The following HLCS variants were observed in gnomAD, a reference collection of about 807,000 sequenced individuals.
The protein encoded by HLCS is holocarboxylase synthetase.
In HLCS, 53 loss-of-function variants were observed where a neutral mutation model predicts 75.0. The ratio of observed to expected loss-of-function variants is 0.71; its 90% CI spans 0.57 to 0.89. HLCS has a LOEUF of 0.89. Ranked by LOEUF, HLCS falls within the 40% of genes least tolerant of loss-of-function variation. HLCS has a pLI of 0.00. For missense variants in HLCS, 966 were observed against 1,074.0 expected (o/e 0.90, Z 1.41); for synonymous variants, 431 against 428.6 (o/e 1.01, Z -0.07).
chr21:36,807,102 A>G (rs1384987198), intron 6 of HLCS, among the ~76,000 whole-genome samples: 1 of 152,222 alleles, frequency 6.6e-6, no homozygotes, highest in Non-Finnish European at 1.5e-5. Flanking sequence ...CCAGAAGTGC[A>G]AAAAAGGAGT....
intron 6 of HLCS, among the ~76,000 whole-genome samples, chr21:36,767,688 T>C (rs1361494801): frequency 6.6e-6 from 1 of 152,140 alleles, no homozygotes; most frequent in Non-Finnish European, 1.5e-5. Flanking sequence ...TGTTCCTACT[T>C]AGGGTGCACT....
chr21:36,775,414 C>T (rs1027226444), intron 6 of HLCS, among the ~76,000 whole-genome samples: 1 of 152,202 alleles, frequency 6.6e-6, no homozygotes, highest in Non-Finnish European at 1.5e-5. Context: ...TAGATGCCTG[C>T]GCATCCACTG....
intron 6 of HLCS, among the ~76,000 whole-genome samples, chr21:36,856,215 T>C (rs1032849427): frequency 6.6e-6 from 1 of 152,176 alleles, no homozygotes; most frequent in Non-Finnish European, 1.5e-5. Context: ...CTTTAAGTGG[T>C]TGAATTGTAT....
rs2062646851 is a variant in HLCS, at chr21:36,842,435, AT to A, written c.1892+54424del. Among the ~76,000 whole-genome samples, 2 of 152,210 alleles carry A rather than the reference AT, an allele frequency of 1.3e-5. No homozygotes were observed. The highest frequency in any genetic ancestry group is 6.5e-5 in the Admixed American group (1 of 15,282). On this transcript the variant is annotated intron_variant, in intron 6 of 10. Coordinates refer to ENST00000674895, the MANE Select transcript of HLCS (RefSeq NM_001352514.2). This position sits in a 1 kb window ranked among gnomAD's most constrained non-coding sequence, Gnocchi z 4.2. ...TTTTCTGGAGGCATATTATACTTCA[AT>A]AAAACTTCTAAGAAACTCTCTGGCC...
intron 10 of HLCS, 51 bp downstream of exon 10, chr21:36,756,487 ACTAC>A: frequency 1.1e-6 from 1 of 918,452 alleles, no homozygotes; most frequent in Admixed American, 1.7e-5. Flanking sequence ...AAGATACAGA[ACTAC>A]TAAGATACTA....
chr21:36,819,355 C>T (rs2061757556), intron 6 of HLCS, among the ~76,000 whole-genome samples: 1 of 152,170 alleles, frequency 6.6e-6, no homozygotes, highest in South Asian at 2.1e-4. Context: ...ATCCTGCCCA[C>T]TTTGTTTCCA....
intron 1 of HLCS, among the ~76,000 whole-genome samples, chr21:36,976,754 TAGA>T: frequency 6.6e-6 from 1 of 152,288 alleles, no homozygotes. Flanking sequence ...TGATAAAAAT[TAGA>T]AGGTGACATT....
chr21:36,776,395 C>T (rs533258414), intron 6 of HLCS, among the ~76,000 whole-genome samples: 1 of 144,490 alleles, frequency 6.9e-6, no homozygotes, highest in Non-Finnish European at 1.5e-5. Flanking sequence ...AATCAACAGC[C>T]TTGTTACAAC....
chr21:36,910,704 T>C (rs1351625391), intron 5 of HLCS, among the ~76,000 whole-genome samples: 1 of 152,168 alleles, frequency 6.6e-6, no homozygotes, highest in Non-Finnish European at 1.5e-5. Flanking sequence ...GAAATGCCTG[T>C]CTGGGTGTCT....
At chr21:36,923,268 A>G (rs1235702518) in intron 5 of HLCS, among the ~76,000 whole-genome samples, 1 of 152,208 alleles carries the variant, frequency 6.6e-6, no homozygotes, top group Non-Finnish European at 1.5e-5. Flanking sequence ...ACCCGCTCAC[A>G]CATGGCAGCT....
intron 1 of HLCS, among the ~76,000 whole-genome samples, chr21:36,980,123 G>A (rs542866077): frequency 6.8e-6 from 1 of 146,768 alleles, no homozygotes; most frequent in East Asian, 2.0e-4. Context: ...AGGAGTTCAA[G>A]GCTGCAGTGA....
At chr21:36,912,728 C>A (rs1304290469) in intron 5 of HLCS, among the ~76,000 whole-genome samples, 1 of 152,084 alleles carries the variant, frequency 6.6e-6, no homozygotes, top group African/African-American at 2.4e-5. Context: ...TTTACTCTCA[C>A]AAAGCTCCCT....
intron 6 of HLCS, among the ~76,000 whole-genome samples, chr21:36,894,559 G>A (rs1017257182): frequency 6.6e-5 from 10 of 152,168 alleles, no homozygotes; most frequent in African/African-American, 2.4e-4. Context: ...GTAGTGTTAG[G>A]AAGGAACCCT....
chr21:36,888,439 AAAAAAAATATATAT>A (rs1230477032), intron 6 of HLCS, among the ~76,000 whole-genome samples: 7 of 32,214 alleles, frequency 2.2e-4, no homozygotes, highest in African/African-American at 7.4e-4. Flanking sequence ...ATTTAAAAAA[AAAAAAAATATATAT>A]ATATATATAT....
chr21:36,911,793 G>C (rs910837041), intron 5 of HLCS, among the ~76,000 whole-genome samples: 1 of 149,012 alleles, frequency 6.7e-6, no homozygotes, highest in Non-Finnish European at 1.5e-5. Context: ...AGAGGGCCGG[G>C]CGCGGTGGCT....
At chr21:36,957,834 A>C (rs1430852051) in intron 2 of HLCS, among the ~76,000 whole-genome samples, 16 of 150,526 alleles carry the variant, frequency 1.1e-4, no homozygotes, top group African/African-American at 3.2e-4. Flanking sequence ...GAGGCTGAGG[A>C]AGGAGAATGG....
chr21:36,909,488 G>A (rs1487380694), intron 5 of HLCS, among the ~76,000 whole-genome samples: 2 of 152,304 alleles, frequency 1.3e-5, no homozygotes, highest in Non-Finnish European at 1.5e-5. Flanking sequence ...TGTATCTAGT[G>A]CAAATTCACA....
In HLCS at chr21:36,756,567, G is replaced by C; in HGVS notation, c.2425C>G (p.Leu809Val). Residue 809 changes from leucine to valine, a missense_variant, in exon 10 of 11, where the codon CTT becomes GTT. Coordinates refer to ENST00000674895, the MANE Select transcript of HLCS (RefSeq NM_001352514.2). ...QDKGPNSVLPLYYRYWVHSGQ... is the reference protein window; with the variant it reads ...QDKGPNSVLPVYYRYWVHSGQ... ...CTGTGGACCCAGTATCGGTAATAAA[G>C]GGGAAGGACGCTGTTGGGCCCTTTG... 1 of 1,613,152 alleles carries C rather than the reference G, an allele frequency of 6.2e-7. No homozygotes were observed.
intron 6 of HLCS, among the ~76,000 whole-genome samples, chr21:36,809,200 CG>C (rs2061440350): frequency 6.6e-6 from 1 of 150,394 alleles, no homozygotes; most frequent in Non-Finnish European, 1.5e-5. Context: ...GGCAACAGAG[CG>C]AGACCTCAAC....
Sources: gnomAD v4.1 joint callset for allele counts (sites outside exome capture counted in the v4.1 genomes callset) on GRCh38, gnomAD v4.1.1 for gene constraint, Gnocchi (gnomAD v3.1) non-coding constraint, MANE v1.5 for transcripts, NCBI Gene and HGNC (gene_info 2026-07-23, HGNC 2026-07-21) for gene names.